The following NALF1 variants were observed in gnomAD, a reference collection of about 807,000 sequenced individuals.
The protein encoded by NALF1 is family with sequence similarity 155 member A.
In NALF1, 3 loss-of-function variants were observed where a neutral mutation model predicts 48.4. The ratio of observed to expected loss-of-function variants is 0.06; its 90% CI spans 0.03 to 0.16. The LOEUF (loss-of-function observed/expected upper bound fraction) is 0.16, where lower values mean the gene tolerates loss of function less well. NALF1 is among the 10% of genes least tolerant of loss of function. NALF1 has a pLI of 1.00. For synonymous variants in NALF1, 262 were observed against 245.7 expected (o/e 1.07, Z -0.62); for missense variants, 526 against 571.5 (o/e 0.92, Z 0.81).
chr13:107,484,862 A>G (rs756349149), intron 1 of NALF1, among the ~76,000 whole-genome samples: 1 of 152,148 alleles, frequency 6.6e-6, no homozygotes, highest in Non-Finnish European at 1.5e-5. Context: ...GCCAGCAGAG[A>G]AACTCTAGTT....
chr13:107,375,658 T>C (rs916940900), intron 1 of NALF1, among the ~76,000 whole-genome samples: 2 of 152,130 alleles, frequency 1.3e-5, no homozygotes, highest in African/African-American at 4.8e-5. Context: ...TTTCTAATAA[T>C]ATGAGAATGC....
At chr13:107,591,329 T>C (rs1343297532) in intron 1 of NALF1, among the ~76,000 whole-genome samples, 5 of 151,984 alleles carry the variant, frequency 3.3e-5, no homozygotes, top group African/African-American at 9.7e-5. Context: ...TTAATACGTA[T>C]TCTGCACATA....
chr13:107,557,821 G>T lies in NALF1; in HGVS notation c.915+307861C>A, dbSNP rs192430157. ...TGAAAAAGCAAGCACGGACACCCATGCAGCTGAGGAACCGAAAAGAGGCTC... is the reference window on the plus strand; with the variant it reads ...TGAAAAAGCAAGCACGGACACCCATTCAGCTGAGGAACCGAAAAGAGGCTC... On this transcript the variant is annotated intron_variant, in intron 1 of 2. Transcript: ENST00000375915. 2.8e-3 allele frequency among the ~76,000 whole-genome samples: 420 copies of T among 152,264 alleles called. 2 individuals are homozygous for T. Among genetic ancestry groups the T allele is most frequent in the African/African-American group, 9.8e-3 (408 of 41,544 alleles).
At chr13:107,550,633 G>A (rs895791315) in intron 1 of NALF1, among the ~76,000 whole-genome samples, 2 of 151,974 alleles carry the variant, frequency 1.3e-5, no homozygotes, top group African/African-American at 2.4e-5. Flanking sequence ...ATACTAAAAG[G>A]GGTTTCTGAA....
intron 1 of NALF1, among the ~76,000 whole-genome samples, chr13:107,438,826 T>TCAAAAAAAA (rs1884504951): frequency 2.0e-4 from 1 of 4,986 alleles, no homozygotes; most frequent in South Asian, 6.7e-3. Flanking sequence ...AGACTCCATC[T>TCAAAAAAAA]CAAAAAAAAA....
At chr13:107,828,552 G>A (rs1455983345) in intron 1 of NALF1, among the ~76,000 whole-genome samples, 1 of 146,582 alleles carries the variant, frequency 6.8e-6, no homozygotes, top group African/African-American at 2.5e-5. Flanking sequence ...AATAGGTAGA[G>A]AGTCATATTA....
intron 1 of NALF1, among the ~76,000 whole-genome samples, chr13:107,843,443 C>T (rs537869085): frequency 5.5e-4 from 84 of 152,262 alleles, no homozygotes; most frequent in African/African-American, 2.0e-3. Flanking sequence ...AGGACCTCCT[C>T]GAATCTCCCT....
chr13:107,532,404 A>G (rs1431394094), intron 1 of NALF1, among the ~76,000 whole-genome samples: 1 of 152,064 alleles, frequency 6.6e-6, no homozygotes, highest in East Asian at 1.9e-4. Context: ...ATGAAGAAAA[A>G]TCATTCATTG....
chr13:107,675,401 G>T (rs910140427), intron 1 of NALF1, among the ~76,000 whole-genome samples: 10 of 152,306 alleles, frequency 6.6e-5, no homozygotes, highest in Middle Eastern at 3.4e-3. Context: ...AGTTGTTCTA[G>T]AGGCTTTTCT....
At chr13:107,764,801 GT>G (rs1877376968) in intron 1 of NALF1, among the ~76,000 whole-genome samples, 1 of 152,168 alleles carries the variant, frequency 6.6e-6, no homozygotes, top group African/African-American at 2.4e-5. Context: ...GGAGTTTACA[GT>G]TTTTTCAGCA....
chr13:107,244,263 T>A (rs1880534488), intron 1 of NALF1, among the ~76,000 whole-genome samples: 1 of 152,180 alleles, frequency 6.6e-6, no homozygotes, highest in Non-Finnish European at 1.5e-5. Flanking sequence ...GGAAAAGATG[T>A]TTCTTGTCAT....
At chr13:107,626,994 T>C (rs145174090) in intron 1 of NALF1, among the ~76,000 whole-genome samples, 199 of 152,234 alleles carry the variant, frequency 1.3e-3, no homozygotes, top group African/African-American at 4.4e-3. Context: ...AAGTGGCACA[T>C]TGTTCCTCAT....
chr13:107,836,567 A>C (rs1879894846), intron 1 of NALF1, among the ~76,000 whole-genome samples: 1 of 152,170 alleles, frequency 6.6e-6, no homozygotes, highest in Admixed American at 6.5e-5. Context: ...TAAAAAAATA[A>C]AATTTAATTA....
intron 1 of NALF1, among the ~76,000 whole-genome samples, chr13:107,261,084 A>C (rs1214384976): frequency 6.6e-6 from 1 of 152,236 alleles, no homozygotes. Context: ...AAGCCACTAA[A>C]ATTTTGGACT....
At position 107,165,563 on chromosome 13, in the gene NALF1, T is replaced by C. The variant is rs1253496794; in HGVS notation, c.*4934A>G. 2 of 152,258 alleles carry C rather than the reference T, an allele frequency of 1.3e-5. No individual in the cohort carries two copies. The highest frequency in any genetic ancestry group is 3.8e-4 in the East Asian group (2 of 5,200). The allele number at this position is 152,258 out of a possible 1,614,324, so 9.4% of individuals were successfully genotyped here. On this transcript the variant is annotated 3_prime_UTR_variant, in exon 3 of 3. Coordinates refer to ENST00000375915, the MANE Select transcript of NALF1 (RefSeq NM_001080396.3). ...AGAATAAAAACCATAGTTCATATTTTGTTTCATGCCTTAAGTTTTATTCCA... is the reference window on the plus strand; with the variant it reads ...AGAATAAAAACCATAGTTCATATTTCGTTTCATGCCTTAAGTTTTATTCCA...
rs1400568951 is a variant in NALF1, at chr13:107,163,971, C to T, written c.*6526G>A. On this transcript the variant is annotated 3_prime_UTR_variant, in exon 3 of 3. Transcript: ENST00000375915. The stretch of plus-strand genomic sequence containing the variant: ...TAACTTTTGCTGTAGTTTATATTTC[C>T]TATTGTTTTATCCATTTTGCAGTGA... 3 of 152,054 alleles carry T rather than the reference C, an allele frequency of 2.0e-5. No individual in the cohort carries two copies. In the East Asian group the frequency reaches 5.8e-4, roughly 29 times the overall value. The allele number at this position is 152,054 out of a possible 1,614,324, so 9.4% of individuals were successfully genotyped here.
At chr13:107,353,984 A>G (rs935011892) in intron 1 of NALF1, among the ~76,000 whole-genome samples, 14 of 152,236 alleles carry the variant, frequency 9.2e-5, no homozygotes, top group African/African-American at 3.4e-4. Flanking sequence ...ACTTCTCATA[A>G]CAACCTCAAA....
At chr13:107,519,324 G>T (rs1876161373) in intron 1 of NALF1, among the ~76,000 whole-genome samples, 1 of 149,826 alleles carries the variant, frequency 6.7e-6, no homozygotes, top group Non-Finnish European at 1.5e-5. Context: ...ATGAAGAAGA[G>T]AATTCTTACG....
intron 1 of NALF1, among the ~76,000 whole-genome samples, chr13:107,805,291 T>C (rs529745490): frequency 6.6e-6 from 1 of 152,186 alleles, no homozygotes; most frequent in Non-Finnish European, 1.5e-5. Context: ...TGATATGCAG[T>C]CTCCTTAAAT....
Sources: gnomAD v4.1 joint callset for allele counts (sites outside exome capture counted in the v4.1 genomes callset) on GRCh38, gnomAD v4.1.1 for gene constraint, MANE v1.5 for transcripts, NCBI Gene and HGNC (gene_info 2026-07-23, HGNC 2026-07-21) for gene names.